GRM7: variants seen among roughly 807,000 people sequenced by gnomAD.
GRM7 encodes glutamate metabotropic receptor 7.
A neutral mutation model predicts 84.5 loss-of-function variants in GRM7; 35 were observed. That is an observed-to-expected ratio of 0.41 (90% CI 0.32 to 0.55). The LOEUF (loss-of-function observed/expected upper bound fraction) is 0.55. Ranked by LOEUF, GRM7 falls within the 20% of genes least tolerant of loss-of-function variation. The probability of loss-of-function intolerance (pLI) is 0.19; values close to 1 mark genes in which losing one functional copy is unlikely to be tolerated. For synonymous variants in GRM7, 487 were observed against 455.1 expected (o/e 1.07, Z -0.89); for missense variants, 1,003 against 1,194.6 (o/e 0.84, Z 2.36).
chr3:7,158,479 T>C (rs114594823), intron 2 of GRM7, among the ~76,000 whole-genome samples: 1,989 of 152,218 alleles, frequency 0.013, 32 homozygotes, highest in African/African-American at 0.043. Context: ...TTCTCCAGTA[T>C]GTCCCCGTCT....
intron 7 of GRM7, among the ~76,000 whole-genome samples, chr3:7,491,548 A>G (rs1699518307): frequency 6.6e-6 from 1 of 152,200 alleles, no homozygotes; most frequent in African/African-American, 2.4e-5. Context: ...GAAGGAAGCC[A>G]TGGGACTTTG....
At chr3:6,902,049 C>A (rs145839891) in intron 1 of GRM7, among the ~76,000 whole-genome samples, 4 of 151,966 alleles carry the variant, frequency 2.6e-5, no homozygotes, top group African/African-American at 7.2e-5. Flanking sequence ...AGAAAAAAAC[C>A]TAATTTTTAT....
intron 7 of GRM7, among the ~76,000 whole-genome samples, chr3:7,490,229 T>C (rs183091258): frequency 6.6e-6 from 1 of 152,278 alleles, no homozygotes; most frequent in East Asian, 1.9e-4. Flanking sequence ...TTCCCAGTGT[T>C]TTTTACCTTT....
intron 4 of GRM7, among the ~76,000 whole-genome samples, chr3:7,414,638 G>C (rs975134495): frequency 9.9e-5 from 15 of 152,092 alleles, no homozygotes; most frequent in African/African-American, 3.1e-4. Flanking sequence ...TGACTAGAAA[G>C]TCAATTACAT....
chr3:7,666,904 G>C (rs1699725493), intron 8 of GRM7, among the ~76,000 whole-genome samples: 1 of 152,170 alleles, frequency 6.6e-6, no homozygotes, highest in South Asian at 2.1e-4. Flanking sequence ...TGTGCAACCA[G>C]GTAGATAAAT....
chr3:7,173,935 A>G (rs1452783576), intron 2 of GRM7, among the ~76,000 whole-genome samples: 1 of 152,216 alleles, frequency 6.6e-6, no homozygotes, highest in Non-Finnish European at 1.5e-5. Context: ...TTGCAAGCTC[A>G]TTAGAGTAGG....
chr3:6,926,131 A>G (rs1373400669), intron 1 of GRM7, among the ~76,000 whole-genome samples: 1 of 152,206 alleles, frequency 6.6e-6, no homozygotes, highest in African/African-American at 2.4e-5. Flanking sequence ...TTCTTATGTC[A>G]TAAAATCTAT....
At chr3:7,560,816 A>G (rs989226708) in intron 7 of GRM7, among the ~76,000 whole-genome samples, 2 of 152,052 alleles carry the variant, frequency 1.3e-5, no homozygotes, top group South Asian at 4.1e-4. Context: ...CTATCAGCAC[A>G]TTATTTATTT....
chr3:6,885,455 G>A (rs1165438659), intron 1 of GRM7, among the ~76,000 whole-genome samples: 1 of 152,180 alleles, frequency 6.6e-6, no homozygotes, highest in Non-Finnish European at 1.5e-5. Flanking sequence ...TATTGCCATG[G>A]CAATGATAAA....
intron 1 of GRM7, among the ~76,000 whole-genome samples, chr3:7,107,982 G>A (rs1160831778): frequency 6.6e-6 from 1 of 151,992 alleles, no homozygotes; most frequent in Non-Finnish European, 1.5e-5. Flanking sequence ...GCAAGATGGG[G>A]AGAGAGAGCA....
At chr3:7,452,569 T>C (rs1309507820) in intron 5 of GRM7, 38 bp from the exon 6 acceptor site, 2 of 1,219,414 alleles carry the variant, frequency 1.6e-6, no homozygotes, top group Non-Finnish European at 2.4e-6. Context: ...TGTGTGTGTG[T>C]GTGTGTGTGT....
At position 7,232,752 on chromosome 3, in the gene GRM7, T is replaced by C. The variant is rs1249323833; in HGVS notation, c.737-65932T>C. Reference sequence around the variant, plus strand: ...GCAATAGTTACTTTTATTAGCAATATCTTGCAGATGAAGTTTACACAGCTA... The same window carrying C: ...GCAATAGTTACTTTTATTAGCAATACCTTGCAGATGAAGTTTACACAGCTA... On this transcript the variant is annotated intron_variant, in intron 2 of 9. Transcript: ENST00000357716. 2.0e-5 allele frequency among the ~76,000 whole-genome samples: 3 copies of C among 152,300 alleles called. No homozygotes were observed. The East Asian group carries it at 5.8e-4, about 29-fold the overall frequency.
At chr3:6,868,768 G>A (rs1279108278) in intron 1 of GRM7, among the ~76,000 whole-genome samples, 1 of 152,146 alleles carries the variant, frequency 6.6e-6, no homozygotes, top group Non-Finnish European at 1.5e-5. Flanking sequence ...CCTAATAAAT[G>A]CAACATTAAT....
At chr3:7,248,063 G>GT (rs1697841395) in intron 2 of GRM7, among the ~76,000 whole-genome samples, 2 of 152,124 alleles carry the variant, frequency 1.3e-5, no homozygotes, top group African/African-American at 2.4e-5. Flanking sequence ...ATGTTTGATA[G>GT]TTTTTTATAA....
intron 8 of GRM7, among the ~76,000 whole-genome samples, chr3:7,611,888 A>G (rs1404285732): frequency 1.3e-5 from 2 of 152,216 alleles, no homozygotes; most frequent in Non-Finnish European, 2.9e-5. Flanking sequence ...CAAAAATCAT[A>G]CATGTTTTTA....
intron 1 of GRM7, among the ~76,000 whole-genome samples, chr3:7,037,068 C>T (rs917661020): frequency 1.3e-5 from 2 of 152,272 alleles, no homozygotes; most frequent in Middle Eastern, 3.4e-3. Context: ...TCTAATAATA[C>T]TTCATCAAGT....
intron 1 of GRM7, among the ~76,000 whole-genome samples, chr3:7,013,542 T>A (rs1695458100): frequency 6.6e-6 from 1 of 152,230 alleles, no homozygotes; most frequent in South Asian, 2.1e-4. Context: ...CGTTCACATA[T>A]TCTTAATGCT....
At chr3:7,133,865 T>G (rs1239009403) in intron 1 of GRM7, among the ~76,000 whole-genome samples, 2 of 152,190 alleles carry the variant, frequency 1.3e-5, no homozygotes, top group Non-Finnish European at 2.9e-5. Context: ...TTACTCTAGG[T>G]AAGTGTATGC....
At chr3:7,370,665 A>G (rs912108513) in intron 4 of GRM7, among the ~76,000 whole-genome samples, 6 of 152,200 alleles carry the variant, frequency 3.9e-5, no homozygotes, top group Non-Finnish European at 8.8e-5. Context: ...ACTGAAGGAC[A>G]AAAAGAATAA....
Sources: gnomAD v4.1 joint callset for allele counts (sites outside exome capture counted in the v4.1 genomes callset) on GRCh38, gnomAD v4.1.1 for gene constraint, MANE v1.5 for transcripts, NCBI Gene and HGNC (gene_info 2026-07-23, HGNC 2026-07-21) for gene names.